The following ARL6IP4 variants were observed in gnomAD, a reference collection of about 807,000 sequenced individuals.
The protein encoded by ARL6IP4 is ADP-ribosylation factor-like protein 6-interacting protein 4.
In ARL6IP4, 24 loss-of-function variants were observed where a neutral mutation model predicts 28.1. The ratio of observed to expected loss-of-function variants is 0.86; its 90% CI spans 0.62 to 1.20. The LOEUF (loss-of-function observed/expected upper bound fraction) is 1.20, where lower values mean the gene tolerates loss of function less well. Among genes scored for constraint, ARL6IP4 ranks in the 50% most tolerant of loss-of-function variants. ARL6IP4 has a pLI of 0.00. For missense variants in ARL6IP4, 343 were observed against 302.4 expected (o/e 1.13, Z -1.00); for synonymous variants, 162 against 122.3 (o/e 1.32, Z -2.14).
chr12:122,980,620 A>G, upstream of ARL6IP4: 3 of 1,411,316 alleles, frequency 2.1e-6, no homozygotes, highest in Non-Finnish European at 2.8e-6. Flanking sequence ...GTCAGAACGA[A>G]AGGCAGCGGC....
At position 122,982,817 on chromosome 12, in the gene ARL6IP4, GGGCA is replaced by G. The variant is rs2062461965; in HGVS notation, c.*144_*147del. 1 of 890,524 alleles carries G rather than the reference GGGCA, an allele frequency of 1.1e-6. No individual in the cohort carries two copies. 55.2% of individuals were successfully genotyped at this position (890,524 alleles called of 1,614,324 possible). A position where few individuals can be genotyped will look rare whatever the true frequency, so the allele number is the denominator to read the frequency against. On this transcript the variant is annotated 3_prime_UTR_variant, in exon 6 of 6. Transcript: ENST00000315580. Reference sequence around the variant, plus strand: ...CTGGCCCAGCCCAGTCTCTTCTCAGGGGCAGGGGGTGGAGGTTGGGGTCACCGGC... The same window carrying G: ...CTGGCCCAGCCCAGTCTCTTCTCAGGGGGGGTGGAGGTTGGGGTCACCGGC...
chr12:122,982,695 G>T lies in ARL6IP4; in HGVS notation c.*19G>T. The T allele has an allele frequency of 6.2e-7, 1 of 1,611,742 alleles. No homozygotes were observed. Among genetic ancestry groups the T allele is most frequent in the Non-Finnish European group, 8.5e-7 (1 of 1,178,952 alleles). ...TCCCTGAGGGCCCCCGCTGGCCAAG[G>T]CCTGTGGACGACGCTGGCGGCCCAG... On this transcript the variant is annotated 3_prime_UTR_variant, in exon 6 of 6. Coordinates refer to ENST00000315580, the MANE Select transcript of ARL6IP4 (RefSeq NM_018694.4).
Position 122,981,761 on chromosome 12 carries a change from G to A in ARL6IP4, c.351G>A (p.Lys117=). The A allele has an allele frequency of 3.2e-6, 5 of 1,563,566 alleles. No individual in the cohort carries two copies. The highest frequency in any genetic ancestry group is 4.3e-6 in the Non-Finnish European group (5 of 1,153,908). ...YKDKRRKKKK[K]RKKLKKKGKE... is the part of the protein sequence containing the mutation. ...ACAAGAGGAGGAAGAAGAAGAAGAA[G>A]AGGAAGAAGCTGAAGAAGAAGGGCA... Residue 117 remains lysine, a synonymous_variant, in exon 3 of 6, where the codon AAG becomes AAA. Coordinates refer to ENST00000315580, the MANE Select transcript of ARL6IP4 (RefSeq NM_018694.4).
chr12:122,980,697 C>T lies in ARL6IP4; in HGVS notation c.-60C>T, dbSNP rs2037602971. ...GCCGGAAGCCTCCTCGCCGCCGCTTCCTCTCGAGAAGGCGCGGGGCGGGCT... is the reference window on the plus strand; with the variant it reads ...GCCGGAAGCCTCCTCGCCGCCGCTTTCTCTCGAGAAGGCGCGGGGCGGGCT... On this transcript the variant is annotated 5_prime_UTR_variant, in exon 1 of 6. Coordinates refer to ENST00000315580, the MANE Select transcript of ARL6IP4 (RefSeq NM_018694.4). 1 of 1,336,732 alleles carries T rather than the reference C, an allele frequency of 7.5e-7. No homozygotes were observed. Among genetic ancestry groups the T allele is most frequent in the Non-Finnish European group, 9.5e-7 (1 of 1,048,834 alleles). The allele number at this position is 1,336,732 out of a possible 1,614,324, so 82.8% of individuals were successfully genotyped here.
At chr12:122,980,512 C>T (rs768475946), upstream of ARL6IP4, 1 of 1,365,796 alleles carries the variant, frequency 7.3e-7, no homozygotes, top group Admixed American at 3.5e-5. Flanking sequence ...GTGGGCGCAG[C>T]TTCGGCAGAC....
rs752099899 is a variant in ARL6IP4 at position 122,982,557 on chromosome 12, C to T, written c.657+19C>T. The T allele has an allele frequency of 1.1e-5, 18 of 1,614,166 alleles. No homozygotes were observed. The highest frequency in any genetic ancestry group is 1.4e-5 in the Non-Finnish European group (16 of 1,180,006). ...CAACAAGGTGGGTGTGGCCCCTCTG[C>T]CTGCCATCCGCCCCCAGCTCTGTTT... On this transcript the variant is annotated intron_variant, in intron 5 of 5. Transcript: ENST00000315580.
At position 122,980,718 on chromosome 12, in the gene ARL6IP4, G is replaced by A. The variant is rs935629108; in HGVS notation, c.-39G>A. 216 of 1,325,660 alleles carry A rather than the reference G, an allele frequency of 1.6e-4. 1 individual carries two copies. Among genetic ancestry groups the A allele is most frequent in the Non-Finnish European group, 2.0e-4 (209 of 1,042,416 alleles). The allele number at this position is 1,325,660 out of a possible 1,614,324, so 82.1% of individuals were successfully genotyped here. On this transcript the variant is annotated 5_prime_UTR_variant, in exon 1 of 6. Coordinates refer to ENST00000315580, the MANE Select transcript of ARL6IP4 (RefSeq NM_018694.4). ...GCTTCCTCTCGAGAAGGCGCGGGGC[G>A]GGCTGTCCGGCCCGCAGGGCGGTCG...
chr12:122,981,487 A>G, intron 2 of ARL6IP4, 84 bp from the exon 3 acceptor site: 1 of 1,413,884 alleles, frequency 7.1e-7, no homozygotes, highest in Non-Finnish European at 9.3e-7. Flanking sequence ...CCCCTCAGGA[A>G]GCGCTCACCC....
At chr12:122,982,275 C>T (rs570979436) in intron 4 of ARL6IP4, 194 bp from the exon 5 acceptor site, 10 of 798,716 alleles carry the variant, frequency 1.3e-5, no homozygotes, top group Middle Eastern at 6.6e-4. Context: ...TGTTGTTGGC[C>T]GGGCTGAGGC....
At chr12:122,980,337 G>T (rs1272455734), upstream of ARL6IP4, 1 of 1,306,182 alleles carries the variant, frequency 7.7e-7, no homozygotes, top group Non-Finnish European at 9.7e-7. Flanking sequence ...TGAGTCACTG[G>T]GTGGGCGCGT....
chr12:122,980,597 C>G (rs1237397616), upstream of ARL6IP4: 11 of 1,397,348 alleles, frequency 7.9e-6, no homozygotes, highest in Non-Finnish European at 1.0e-5. Flanking sequence ...GCGCCCGGGA[C>G]GGAACCTGGG....
In ARL6IP4 at chr12:122,981,235, C is replaced by T; in HGVS notation, c.96C>T (p.Thr32=). The change falls in exon 2 of 6, where the codon ACC becomes ACT. Residue 32 remains threonine, a synonymous_variant. Transcript: ENST00000315580. ...GAAAGAAGAAGAGCAGGAAAGACAC[C>T]TCGAGGAACTGCTCGGCCTCCACAT... ...EKRKKKSRKD[T]SRNCSASTSQ... is the part of the protein sequence containing the mutation. 2 of 1,550,102 alleles carry T rather than the reference C, an allele frequency of 1.3e-6. No individual in the cohort carries two copies. Among genetic ancestry groups the T allele is most frequent in the Non-Finnish European group, 1.7e-6 (2 of 1,146,704 alleles).
At chr12:122,980,640 CCCAGCCGG>C (rs780322111), upstream of ARL6IP4, 348 of 1,399,360 alleles carry the variant, frequency 2.5e-4, no homozygotes, top group Non-Finnish European at 3.2e-4. Context: ...CGCCGCGCTT[CCCAGCCGG>C]CCAGCCTCCC....
chr12:122,982,645 C>G lies in ARL6IP4; in HGVS notation c.683C>G (p.Ala228Gly), dbSNP rs568298382. Residue 228 changes from alanine (A) to glycine (G), a missense_variant, in exon 6 of 6, where the codon GCC becomes GGC. By Grantham distance (60) the Ala-to-Gly change is moderately conservative. Coordinates refer to ENST00000315580, the MANE Select transcript of ARL6IP4 (RefSeq NM_018694.4). The stretch of plus-strand genomic sequence containing the variant: ...CAAGCCACCCGAGGGGACTGCCTGG[C>G]CTTCCAGATGCGAGCTGGGTTGCTT... ...NKQATRGDCL[A>G]FQMRAGLLP The G allele has an allele frequency of 4.3e-6, 7 of 1,614,086 alleles. No individual in the cohort carries two copies. The African/African-American group carries it at 5.3e-5, about 12-fold the overall frequency.
intron 4 of ARL6IP4, 92 bp downstream of exon 4, chr12:122,982,166 C>G: frequency 6.9e-7 from 1 of 1,458,336 alleles, no homozygotes; most frequent in Non-Finnish European, 9.6e-7. Flanking sequence ...GGGCGGGGTT[C>G]CTGGTGCCTG....
At chr12:122,980,771 C>T (rs1015383138) in intron 1 of ARL6IP4, 26 bp downstream of exon 1, 1 of 1,303,494 alleles carries the variant, frequency 7.7e-7, no homozygotes, top group African/African-American at 1.5e-5. Flanking sequence ...CCCCGGGGGC[C>T]CCCTTGAGGC....
At chr12:122,980,335 TGGGTG>T, upstream of ARL6IP4, 1 of 1,304,208 alleles carries the variant, frequency 7.7e-7, no homozygotes, top group Non-Finnish European at 9.7e-7. Context: ...TCTGAGTCAC[TGGGTG>T]GGCGCGTCGG....
In ARL6IP4 at chr12:122,981,262, C is replaced by T. The variant is rs1378687020; in HGVS notation, c.123C>T (p.Ser41=). The change falls in exon 2 of 6, where the codon TCC becomes TCT. Residue 41 remains serine (S), a synonymous_variant. Transcript: ENST00000315580. Reference sequence around the variant, plus strand: ...CGAGGAACTGCTCGGCCTCCACATCCCAAGGTCGCAAGGCCAGCACGGCCC... The same window carrying T: ...CGAGGAACTGCTCGGCCTCCACATCTCAAGGTCGCAAGGCCAGCACGGCCC... The part of the protein sequence containing the change: ...DTSRNCSAST[S]QGRKASTAPG... 6.5e-7 allele frequency: 1 copy of T among 1,549,820 alleles called. No individual in the cohort carries two copies. The highest frequency in any genetic ancestry group is 2.5e-5 in the East Asian group (1 of 40,724).
Position 122,981,670 on chromosome 12 carries a change from C to T in ARL6IP4, c.260C>T (p.Ser87Phe), listed in dbSNP as rs1330806856. Residue 87 changes from serine (S) to phenylalanine (F), a missense_variant, in exon 3 of 6, where the codon TCT (serine) becomes TTT (phenylalanine). Ser to Phe is a radical substitution (Grantham distance 155, BLOSUM62 -2). Coordinates refer to ENST00000315580, the MANE Select transcript of ARL6IP4 (RefSeq NM_018694.4). ...TCTTCTTCCAGTTCTTCTAGCTCCTCTTCTTCCTCCTCGTCCTCCTCCTCT... is the reference window on the plus strand; with the variant it reads ...TCTTCTTCCAGTTCTTCTAGCTCCTTTTCTTCCTCCTCGTCCTCCTCCTCT... The part of the protein sequence containing the change: ...SSSSSSSSSS[S>F]SSSSSSSSSS... 10 of 1,554,858 alleles carry T rather than the reference C, an allele frequency of 6.4e-6. No individual in the cohort carries two copies. The African/African-American group carries it at 1.1e-4, about 17-fold the overall frequency.
Sources: allele counts gnomAD v4.1 joint callset, GRCh38; gene constraint gnomAD v4.1.1; transcripts MANE v1.5; gene names NCBI Gene and HGNC (gene_info 2026-07-23, HGNC 2026-07-21).